The following KIF13A variants were observed in gnomAD, a reference collection of about 807,000 sequenced individuals.
KIF13A encodes the protein kinesin-like protein KIF13A.
KIF13A carries 79 observed loss-of-function variants against 212.2 expected under a neutral mutation model. The observed-to-expected ratio is 0.37, with a 90% CI of 0.31 to 0.45. The LOEUF (loss-of-function observed/expected upper bound fraction) is 0.45. Ranked by LOEUF, KIF13A falls within the 20% of genes least tolerant of loss-of-function variation. The pLI, the probability that KIF13A is intolerant of heterozygous loss-of-function variation, is 1.00. For synonymous variants in KIF13A, 789 were observed against 808.6 expected, an observed-to-expected ratio of 0.98 and a Z score of 0.41; for missense variants, 1,901 against 2,209.0, an observed-to-expected ratio of 0.86 and a Z score of 2.79.
In KIF13A at chr6:17,826,195, G is replaced by GA. The variant is rs1764946886; in HGVS notation, c.1533-72dup. 1.9e-5 allele frequency: 21 copies of GA among 1,118,468 alleles called. No homozygotes were observed. In the East Asian group the frequency reaches 5.0e-4, roughly 26 times the overall value. 69.3% of individuals were successfully genotyped at this position (1,118,468 alleles called of 1,614,324 possible). ...AAGACCTTGTCCTGGTAGCCAAAGA[G>GA]ATAACTAGGGGAGCTTTCTCTTAAT... On this transcript the variant is annotated intron_variant, in intron 14 of 38. Transcript: ENST00000259711. The surrounding 1 kb of genome is among the most constrained non-coding windows in gnomAD (Gnocchi z 4.7).
intron 2 of KIF13A, among the ~76,000 whole-genome samples, chr6:17,950,217 T>C (rs1305356656): frequency 6.6e-6 from 1 of 152,166 alleles, no homozygotes; most frequent in Non-Finnish European, 1.5e-5. Flanking sequence ...GAGTATCTGA[T>C]TTTTCCTGTT....
At position 17,915,725 on chromosome 6, in the gene KIF13A, GC is replaced by G. The variant is rs1254644262; in HGVS notation, c.147-17546del. 6.6e-6 allele frequency among the ~76,000 whole-genome samples: 1 copy of G among 152,084 alleles called. No homozygotes were observed. Among genetic ancestry groups the G allele is most frequent in the Non-Finnish European group, 1.5e-5 (1 of 68,028 alleles). On this transcript the variant is annotated intron_variant, in intron 2 of 38. Transcript: ENST00000259711. The surrounding 1 kb of genome is among the most constrained non-coding windows in gnomAD (Gnocchi z 4.4). ...GCCTGTAATCGCAGCACTTTGGGAG[GC>G]TAAGGCAGGTGGATCACTTGAGTCC...
At position 17,764,691 on chromosome 6, in the gene KIF13A, C is replaced by A. The variant is rs763420555; in HGVS notation, c.4837G>T (p.Val1613Leu). 4 of 1,613,602 alleles carry A rather than the reference C, an allele frequency of 2.5e-6. No homozygotes were observed. Among genetic ancestry groups the A allele is most frequent in the Middle Eastern group, 1.6e-4 (1 of 6,062 alleles). ...TCTGAGCTGTCACTAGAAGGGACCA[C>A]CATGTCAGACAGGGTGGCATTGGAG... ...SASNATLSDM[V>L]VPSSDSSDQL... The change falls in exon 39 of 39, where the codon GTG (valine) becomes TTG (leucine). Residue 1613 changes from valine to leucine, a missense_variant. Val to Leu is a conservative substitution (Grantham distance 32). Around this residue, in one of 5 missense-constraint regions of KIF13A, gnomAD observed 687 missense variants for 759.1 expected, o/e 0.90. Transcript: ENST00000259711. The surrounding 1 kb of genome is among the most constrained non-coding windows in gnomAD (Gnocchi z 5.1).
intron 2 of KIF13A, among the ~76,000 whole-genome samples, chr6:17,917,025 A>T (rs1418544652): frequency 6.8e-6 from 1 of 146,910 alleles, no homozygotes; most frequent in Admixed American, 6.8e-5. Flanking sequence ...CAACTTTACA[A>T]AAAAAAAAAA....
intron 26 of KIF13A, among the ~76,000 whole-genome samples, chr6:17,788,308 C>T (rs763731041): frequency 2.6e-5 from 4 of 152,126 alleles, no homozygotes; most frequent in Non-Finnish European, 5.9e-5. Context: ...GTTCAGTGGT[C>T]TGATAACATA....
intron 9 of KIF13A, among the ~76,000 whole-genome samples, chr6:17,848,016 T>C (rs1402769852): frequency 6.6e-6 from 1 of 152,022 alleles, no homozygotes; most frequent in East Asian, 1.9e-4. Flanking sequence ...TTCATCATAT[T>C]ATCCAGGCTG....
chr6:17,805,282 G>T (rs1762841759), intron 19 of KIF13A, among the ~76,000 whole-genome samples, 193 bp downstream of exon 19: 1 of 151,982 alleles, frequency 6.6e-6, no homozygotes, highest in African/African-American at 2.4e-5. Flanking sequence ...ATCATGTGTT[G>T]TATTACTGAT....
rs1357309150 is a variant in KIF13A at position 17,971,302 on chromosome 6, ATCACT to A, written c.146+15747_146+15751del. On this transcript the variant is annotated intron_variant, in intron 2 of 38. Coordinates refer to ENST00000259711, the MANE Select transcript of KIF13A (RefSeq NM_022113.6). This position sits in a 1 kb window ranked among gnomAD's most constrained non-coding sequence, Gnocchi z 4.2. ...TCCAGGAAAAGAGATAATTAATGTG[ATCACT>A]TCACAAAATTAAATGTATCCAAGTT... 6.6e-6 allele frequency among the ~76,000 whole-genome samples: 1 copy of A among 152,218 alleles called. No homozygotes were observed. Among genetic ancestry groups the A allele is most frequent in the Non-Finnish European group, 1.5e-5 (1 of 68,032 alleles).
rs201426866 is a variant in KIF13A, at chr6:17,805,488, T to C, written c.2291A>G (p.Glu764Gly). 9.3e-6 allele frequency: 15 copies of C among 1,613,596 alleles called. No homozygotes were observed. The highest frequency in any genetic ancestry group is 1.3e-5 in the Non-Finnish European group (15 of 1,179,812). The change falls in exon 19 of 39, where the codon GAA becomes GGA. Residue 764 changes from glutamate to glycine, a missense_variant. Glu to Gly is a moderately conservative substitution (Grantham distance 98). Coordinates refer to ENST00000259711, the MANE Select transcript of KIF13A (RefSeq NM_022113.6). ...TGTCTCTTTTACCTCAGGAACTTTT[T>C]CCTTCCATTCTTGGTAAAGGTCTCT... ...DMRDLYQEWKEKVPEAKRLYG... is the reference protein window; with the variant it reads ...DMRDLYQEWKGKVPEAKRLYG...
Position 17,967,965 on chromosome 6 carries a change from T to C in KIF13A, c.146+19089A>G, listed in dbSNP as rs2150601469. ...ATAAATAAAAACAGGTTCAAAGCTA[T>C]CCCCTGTAGACTGCCATTTTCACAT... On this transcript the variant is annotated intron_variant, in intron 2 of 38. Transcript: ENST00000259711. The surrounding 1 kb of genome is among the most constrained non-coding windows in gnomAD (Gnocchi z 4.1). Among the ~76,000 whole-genome samples, 1 of 152,310 alleles carries C rather than the reference T, an allele frequency of 6.6e-6. No individual in the cohort carries two copies. Among genetic ancestry groups the C allele is most frequent in the South Asian group, 2.1e-4 (1 of 4,828 alleles).
chr6:17,878,183 A>G (rs1415980695), intron 3 of KIF13A, among the ~76,000 whole-genome samples: 1 of 152,218 alleles, frequency 6.6e-6, no homozygotes, highest in Admixed American at 6.5e-5. Flanking sequence ...AAAATGTAAC[A>G]GCAAGGGGGC....
In KIF13A at chr6:17,826,006, C is replaced by T. The variant is rs761689304; in HGVS notation, c.1619+32G>A. ...AAATAGATAACAGAAAAAATGTATA[C>T]GAAAATATATTACAGAACACAAAGA... is the stretch of plus-strand genomic sequence containing the variant. On this transcript the variant is annotated intron_variant, in intron 15 of 38. Coordinates refer to ENST00000259711, the MANE Select transcript of KIF13A (RefSeq NM_022113.6). The surrounding 1 kb of genome is among the most constrained non-coding windows in gnomAD (Gnocchi z 4.7). 1.5e-5 allele frequency: 24 copies of T among 1,610,120 alleles called. No homozygotes were observed. Among genetic ancestry groups the T allele is most frequent in the Admixed American group, 3.3e-5 (2 of 59,796 alleles).
At chr6:17,909,970 A>C (rs1773894633) in intron 2 of KIF13A, among the ~76,000 whole-genome samples, 1 of 152,258 alleles carries the variant, frequency 6.6e-6, no homozygotes, top group Admixed American at 6.5e-5. Context: ...ATTTATAAGA[A>C]CTAAACTATG....
chr6:17,850,293 A>C lies in KIF13A; in HGVS notation c.717+30T>G, dbSNP rs1238052211. The C allele has an allele frequency of 7.0e-6, 11 of 1,578,058 alleles. No individual in the cohort carries two copies. Among genetic ancestry groups the C allele is most frequent in the Non-Finnish European group, 9.5e-6 (11 of 1,159,170 alleles). On this transcript the variant is annotated intron_variant, in intron 8 of 38. Coordinates refer to ENST00000259711, the MANE Select transcript of KIF13A (RefSeq NM_022113.6). This position sits in a 1 kb window ranked among gnomAD's most constrained non-coding sequence, Gnocchi z 6.2. ...GGACACTTTCAGTTCTTCCACCCCC[A>C]CTCCAAAAAGGTTCTGCCTAATCCC...
chr6:17,976,384 G>A (rs866844776), intron 2 of KIF13A, among the ~76,000 whole-genome samples: 48 of 152,202 alleles, frequency 3.2e-4, no homozygotes, highest in African/African-American at 1.1e-3. Context: ...CCGGTGGGCC[G>A]GCACTGCTGG....
At chr6:17,920,605 G>A (rs111556684) in intron 2 of KIF13A, among the ~76,000 whole-genome samples, 3,475 of 152,212 alleles carry the variant, frequency 0.023, 63 homozygotes, top group South Asian at 0.035. Flanking sequence ...TGGGTGCGGT[G>A]GCTCACGCCT....
chr6:17,824,678 G>A (rs546371022), intron 16 of KIF13A, among the ~76,000 whole-genome samples: 3,847 of 149,972 alleles, frequency 0.026, 71 homozygotes, highest in Non-Finnish European at 0.04. Context: ...GGAGAACGGC[G>A]TGAACCTGGG....
intron 4 of KIF13A, among the ~76,000 whole-genome samples, chr6:17,863,629 C>G (rs914023678): frequency 6.6e-6 from 1 of 152,112 alleles, no homozygotes; most frequent in African/African-American, 2.4e-5. Flanking sequence ...TAAAAAGGCA[C>G]TATGACTGTT....
In KIF13A at chr6:17,796,664, C is replaced by T; in HGVS notation, c.2942+5G>A. The stretch of plus-strand genomic sequence containing the variant: ...TGTACCTAAAGCTCACAGCCAAGTA[C>T]AAACCTGTCATGCAGTGTTCTTGTC... On this transcript the variant is annotated splice_donor_5th_base_variant and intron_variant, in intron 23 of 38. Coordinates refer to ENST00000259711, the MANE Select transcript of KIF13A (RefSeq NM_022113.6). 6.7e-7 allele frequency: 1 copy of T among 1,496,338 alleles called. No individual in the cohort carries two copies. The highest frequency in any genetic ancestry group is 9.0e-7 in the Non-Finnish European group (1 of 1,115,014). The allele number at this position is 1,496,338 out of a possible 1,614,324, so 92.7% of individuals were successfully genotyped here.
Sources: gnomAD v4.1 joint callset for allele counts (sites outside exome capture counted in the v4.1 genomes callset) on GRCh38, gnomAD v4.1.1 for gene constraint, gnomAD v4.1.1 regional missense constraint, Gnocchi (gnomAD v3.1) non-coding constraint, MANE v1.5 for transcripts, NCBI Gene and HGNC (gene_info 2026-07-23, HGNC 2026-07-21) for gene names.